The following TULP3 variants were observed in gnomAD, a reference collection of about 807,000 sequenced individuals.
The protein encoded by TULP3 is TUB like protein 3.
TULP3 carries 38 observed loss-of-function variants against 50.7 expected under a neutral mutation model. That is an observed-to-expected ratio of 0.75 (90% CI 0.58 to 0.98). The LOEUF (loss-of-function observed/expected upper bound fraction) is 0.98. Among genes scored for constraint, TULP3 ranks in the 50% least tolerant of loss-of-function variants. TULP3 has a pLI of 0.00. For missense variants in TULP3, 550 were observed against 568.0 expected (o/e 0.97, Z 0.32); for synonymous variants, 183 against 196.6 (o/e 0.93, Z 0.58).
At chr12:2,935,496 CAA>C (rs946587319) in intron 8 of TULP3, among the ~76,000 whole-genome samples, 1 of 152,158 alleles carries the variant, frequency 6.6e-6, no homozygotes, top group Non-Finnish European at 1.5e-5. Context: ...AGTAGATATT[CAA>C]AGAGTTGTTG....
In TULP3 at chr12:2,939,928, T is replaced by C; in HGVS notation, c.*484T>C. ...GGGAGATTCTTGTCACATTGGGGTCTCCAAAGCTAGAATGGGATTTCATGT... is the reference window on the plus strand; with the variant it reads ...GGGAGATTCTTGTCACATTGGGGTCCCCAAAGCTAGAATGGGATTTCATGT... On this transcript the variant is annotated 3_prime_UTR_variant, in exon 11 of 11. Transcript: ENST00000448120. This position sits in a 1 kb window ranked among gnomAD's most constrained non-coding sequence, Gnocchi z 4.0. 2.4e-6 allele frequency: 3 copies of C among 1,267,788 alleles called. No homozygotes were observed. The highest frequency in any genetic ancestry group is 3.1e-6 in the Non-Finnish European group (3 of 972,688). The allele number at this position is 1,267,788 out of a possible 1,614,324, so 78.5% of individuals were successfully genotyped here. A position where few individuals can be genotyped will look rare whatever the true frequency, so the allele number is the denominator to read the frequency against.
intron 8 of TULP3, among the ~76,000 whole-genome samples, chr12:2,934,931 T>C (rs1160711022): frequency 6.6e-6 from 1 of 152,148 alleles, no homozygotes; most frequent in Non-Finnish European, 1.5e-5. Context: ...CTTATTTTTT[T>C]TCCTCTTTTT....
intron 7 of TULP3, among the ~76,000 whole-genome samples, chr12:2,933,886 G>T (rs906827159): frequency 6.6e-6 from 1 of 152,100 alleles, no homozygotes; most frequent in African/African-American, 2.4e-5. Flanking sequence ...GGAGGCAGAG[G>T]TTGCCGTGAG....
intron 2 of TULP3, among the ~76,000 whole-genome samples, chr12:2,917,044 C>A (rs2098189052): frequency 1.3e-5 from 2 of 152,142 alleles, no homozygotes; most frequent in Admixed American, 1.3e-4. Flanking sequence ...CTGGATATAA[C>A]CAGGTCCTTT....
At position 2,935,456 on chromosome 12, in the gene TULP3, A is replaced by G. The variant is rs559866025; in HGVS notation, c.924+895A>G. On this transcript the variant is annotated intron_variant, in intron 8 of 10. Transcript: ENST00000448120. The stretch of plus-strand genomic sequence containing the variant: ...AACTTGTGAATTCTTACTCATGGCT[A>G]TATCCATACTAGCACATGGCTTGGC... 6.6e-5 allele frequency among the ~76,000 whole-genome samples: 10 copies of G among 152,332 alleles called. No homozygotes were observed. In the South Asian group the frequency reaches 1.4e-3, roughly 22 times the overall value.
chr12:2,925,876 T>C (rs1015562814), intron 4 of TULP3, among the ~76,000 whole-genome samples: 1 of 152,218 alleles, frequency 6.6e-6, no homozygotes, highest in African/African-American at 2.4e-5. Context: ...TGTGCACTGC[T>C]CTATGAAATG....
intron 9 of TULP3, 83 bp from the exon 10 acceptor site, chr12:2,938,031 T>C: frequency 2.1e-6 from 3 of 1,444,040 alleles, no homozygotes; most frequent in South Asian, 2.6e-5. Context: ...CTTTCTGAAA[T>C]GGAGAAAGTA....
chr12:2,897,206 C>G (rs1018447200), intron 1 of TULP3, among the ~76,000 whole-genome samples: 4 of 151,986 alleles, frequency 2.6e-5, no homozygotes, highest in Non-Finnish European at 5.9e-5. Context: ...GACAGGATTT[C>G]ACCATGTTGG....
At chr12:2,917,616 G>A (rs981117660) in intron 2 of TULP3, among the ~76,000 whole-genome samples, 2 of 152,032 alleles carry the variant, frequency 1.3e-5, no homozygotes, top group Non-Finnish European at 2.9e-5. Context: ...GGTGGCTCAT[G>A]CCTGTAATCC....
At chr12:2,891,139 C>A in intron 1 of TULP3, 151 bp downstream of exon 1, 2 of 953,874 alleles carry the variant, frequency 2.1e-6, no homozygotes, top group Non-Finnish European at 3.0e-6. Flanking sequence ...GGGAGGCGAC[C>A]CCCTCGCCCT....
In TULP3 at chr12:2,938,288, A is replaced by G. The variant is rs1332159238; in HGVS notation, c.1195+3A>G. 1 of 1,613,530 alleles carries G rather than the reference A, an allele frequency of 6.2e-7. No homozygotes were observed. The highest frequency in any genetic ancestry group is 8.5e-7 in the Non-Finnish European group (1 of 1,179,728). ...CCAGATAGTCCACAAAAATGACCGT[A>G]AGCCTCCAGGAGGGGTTGGGTGGGA... is the stretch of plus-strand genomic sequence containing the variant. On this transcript the variant is annotated splice_donor_region_variant and intron_variant, in intron 10 of 10. Coordinates refer to ENST00000448120, the MANE Select transcript of TULP3 (RefSeq NM_003324.5).
intron 2 of TULP3, among the ~76,000 whole-genome samples, chr12:2,918,609 C>T (rs992747028): frequency 6.6e-6 from 1 of 152,240 alleles, no homozygotes; most frequent in Non-Finnish European, 1.5e-5. Flanking sequence ...GGCATAATCT[C>T]AGCTCGCCGC....
rs918493504 is a variant in TULP3, at chr12:2,933,305, A to C, written c.697-113A>C. 142 of 661,026 alleles carry C rather than the reference A, an allele frequency of 2.1e-4. No homozygotes were observed. The East Asian group carries it at 3.8e-3, about 18-fold the overall frequency. The allele number at this position is 661,026 out of a possible 1,614,324, so 40.9% of individuals were successfully genotyped here. On this transcript the variant is annotated intron_variant, in intron 6 of 10. Coordinates refer to ENST00000448120, the MANE Select transcript of TULP3 (RefSeq NM_003324.5). The stretch of plus-strand genomic sequence containing the variant: ...AAGGCCCAAAGATTAACAGCTTGAC[A>C]TATGCTGAGGACTTGCTAAGCACTG...
In TULP3 at chr12:2,904,074, G is replaced by A. The variant is rs564381714; in HGVS notation, c.42-5455G>A. ...TGGGATTACAAGCGTGAGCCACCGT[G>A]CCTGGCCTAATGTTAACATCTTATA... On this transcript the variant is annotated intron_variant, in intron 1 of 10. Transcript: ENST00000448120. 3.3e-5 allele frequency among the ~76,000 whole-genome samples: 5 copies of A among 152,238 alleles called. No individual in the cohort carries two copies. The East Asian group carries it at 9.6e-4, about 29-fold the overall frequency.
chr12:2,902,300 G>A (rs1413377089), intron 1 of TULP3, among the ~76,000 whole-genome samples: 1 of 152,190 alleles, frequency 6.6e-6, no homozygotes, highest in African/African-American at 2.4e-5. Flanking sequence ...AAGCAATACT[G>A]TAGTCAGTAA....
intron 1 of TULP3, among the ~76,000 whole-genome samples, chr12:2,909,317 A>G (rs1203360774): frequency 6.6e-6 from 1 of 152,126 alleles, no homozygotes; most frequent in Non-Finnish European, 1.5e-5. Context: ...TCCTTGGAGT[A>G]TTTCAGTCTC....
intron 4 of TULP3, among the ~76,000 whole-genome samples, chr12:2,928,913 C>G (rs2098196179): frequency 6.6e-6 from 1 of 152,064 alleles, no homozygotes; most frequent in South Asian, 2.1e-4. Context: ...CCACTGCACT[C>G]CAGCCTGGGC....
chr12:2,938,525 A>G (rs2098202855), intron 10 of TULP3, among the ~76,000 whole-genome samples: 1 of 152,136 alleles, frequency 6.6e-6, no homozygotes, highest in South Asian at 2.1e-4. Flanking sequence ...GCTGGGCACC[A>G]TGGCTCACGT....
At chr12:2,932,185 C>T (rs1219725285) in intron 6 of TULP3, among the ~76,000 whole-genome samples, 1 of 152,100 alleles carries the variant, frequency 6.6e-6, no homozygotes, top group Non-Finnish European at 1.5e-5. Context: ...GAGAGGCTTC[C>T]CTTTTGTCCC....
Sources: allele counts gnomAD v4.1 joint callset (sites outside exome capture counted in the v4.1 genomes callset), GRCh38; gene constraint gnomAD v4.1.1; non-coding constraint Gnocchi (gnomAD v3.1); transcripts MANE v1.5; gene names NCBI Gene and HGNC (gene_info 2026-07-23, HGNC 2026-07-21).